The following DPF3 variants were observed in gnomAD, a reference collection of about 807,000 sequenced individuals.
DPF3 encodes double PHD fingers 3.
In DPF3, 18 loss-of-function variants were observed where a neutral mutation model predicts 56.8. That is an observed-to-expected ratio of 0.32 (90% CI 0.22 to 0.47). The LOEUF (loss-of-function observed/expected upper bound fraction) is 0.47, where lower values mean the gene tolerates loss of function less well. Among genes scored for constraint, DPF3 ranks in the 20% least tolerant of loss-of-function variants. DPF3 has a pLI of 1.00. For missense variants in DPF3, 403 were observed against 488.8 expected (o/e 0.82, Z 1.65); for synonymous variants, 188 against 180.2 (o/e 1.04, Z -0.35).
intron 8 of DPF3, among the ~76,000 whole-genome samples, chr14:72,643,118 T>C (rs1465256600): frequency 6.6e-6 from 1 of 152,210 alleles, no homozygotes; most frequent in East Asian, 1.9e-4. Context: ...TCTAATCCTT[T>C]GGTCTCTCAC....
intron 3 of DPF3, among the ~76,000 whole-genome samples, chr14:72,733,686 G>A (rs1222205735): frequency 6.6e-6 from 1 of 152,142 alleles, no homozygotes; most frequent in Non-Finnish European, 1.5e-5. Flanking sequence ...TCCGAGCAGG[G>A]TGAAGACGGA....
intron 1 of DPF3, among the ~76,000 whole-genome samples, chr14:72,883,107 T>C (rs1300873108): frequency 6.6e-6 from 1 of 152,190 alleles, no homozygotes; most frequent in Non-Finnish European, 1.5e-5. Context: ...CGAGAGTTGC[T>C]GGTTGAGGAC....
intron 8 of DPF3, among the ~76,000 whole-genome samples, chr14:72,640,488 C>G (rs1227797419): frequency 6.6e-6 from 1 of 152,116 alleles, no homozygotes; most frequent in Non-Finnish European, 1.5e-5. Flanking sequence ...AGACAAAATC[C>G]TACCCTTCTG....
chr14:72,872,352 T>C (rs917764405), intron 1 of DPF3, among the ~76,000 whole-genome samples: 1 of 152,250 alleles, frequency 6.6e-6, no homozygotes, highest in Non-Finnish European at 1.5e-5. Context: ...TTGCTACTTA[T>C]GCAAATTTCT....
intron 1 of DPF3, among the ~76,000 whole-genome samples, chr14:72,888,779 C>A (rs1387708108): frequency 6.6e-6 from 1 of 152,220 alleles, no homozygotes; most frequent in Non-Finnish European, 1.5e-5. Flanking sequence ...AGGTTTGCAA[C>A]ATTTGGCTAC....
At chr14:72,652,575 C>T (rs550661169) in intron 8 of DPF3, among the ~76,000 whole-genome samples, 41 of 152,286 alleles carry the variant, frequency 2.7e-4, no homozygotes, top group African/African-American at 9.1e-4. Flanking sequence ...TTAGAGCCAA[C>T]CTTCTCAACC....
Position 72,861,779 on chromosome 14 carries a change from GA to G in DPF3, c.32+32277del, listed in dbSNP as rs1244715777. On this transcript the variant is annotated intron_variant, in intron 1 of 10. Coordinates refer to ENST00000556509, the MANE Select transcript of DPF3 (RefSeq NM_001280542.3). The stretch of plus-strand genomic sequence containing the variant: ...AGAAAGAAAGAAAGAAAGAAAGAAA[GA>G]AAGAAAGAAAGAAAGAAAGAAAGAA... 1.9e-4 allele frequency among the ~76,000 whole-genome samples: 28 copies of G among 149,066 alleles called. No homozygotes were observed. The East Asian group carries it at 3.3e-3, about 18-fold the overall frequency.
At chr14:72,747,504 T>C (rs903309416) in intron 3 of DPF3, among the ~76,000 whole-genome samples, 3 of 151,850 alleles carry the variant, frequency 2.0e-5, no homozygotes, top group African/African-American at 7.3e-5. Context: ...ACAGAGAGAC[T>C]GGCTGGGTGT....
In DPF3 at chr14:72,727,437, G is replaced by A. The variant is rs146608899; in HGVS notation, c.430-3709C>T. Among the ~76,000 whole-genome samples the A allele has an allele frequency of 2.4e-4, 36 of 152,244 alleles. No individual in the cohort carries two copies. In the East Asian group the frequency reaches 6.4e-3, roughly 27 times the overall value. On this transcript the variant is annotated intron_variant, in intron 4 of 10. Coordinates refer to ENST00000556509, the MANE Select transcript of DPF3 (RefSeq NM_001280542.3). Reference sequence around the variant, plus strand: ...CTAAAAACACAAAAAATAGTTGGGCGTGGTGGTGGGCACCTGTAATCCCAG... The same window carrying A: ...CTAAAAACACAAAAAATAGTTGGGCATGGTGGTGGGCACCTGTAATCCCAG...
intron 7 of DPF3, among the ~76,000 whole-genome samples, chr14:72,688,292 T>G (rs1374605820): frequency 2.6e-4 from 3 of 11,398 alleles, no homozygotes; most frequent in African/African-American, 4.0e-4. Flanking sequence ...GGTGGGTGGA[T>G]GGATGGGTGG....
rs1886252553 is a variant in DPF3 at position 72,879,689 on chromosome 14, C to T, written c.32+14368G>A. On this transcript the variant is annotated intron_variant, in intron 1 of 10. Transcript: ENST00000556509. The stretch of plus-strand genomic sequence containing the variant: ...ACCGCCTGCCCAGAGGAGCCACAAG[C>T]AGTTTGCTCAGACACCAGGGGAATG... 1.7e-5 allele frequency: 22 copies of T among 1,303,896 alleles called. No homozygotes were observed. The South Asian group carries it at 2.6e-4, about 15-fold the overall frequency. 80.8% of individuals were successfully genotyped at this position (1,303,896 alleles called of 1,614,324 possible).
rs1052490964 is a variant in DPF3 at position 72,749,023 on chromosome 14, T to C, written c.301+4241A>G. Reference sequence around the variant, plus strand: ...CCTGGGGCACCACCTAGCGGAGCTGTGAGAAGAGGGCCACCATCTTCCAGA... The same window carrying C: ...CCTGGGGCACCACCTAGCGGAGCTGCGAGAAGAGGGCCACCATCTTCCAGA... On this transcript the variant is annotated intron_variant, in intron 3 of 10. Transcript: ENST00000556509. Among the ~76,000 whole-genome samples, 7 of 152,322 alleles carry C rather than the reference T, an allele frequency of 4.6e-5. No homozygotes were observed. In the South Asian group the frequency reaches 1.4e-3, roughly 32 times the overall value.
At chr14:72,821,520 T>C (rs1018351797) in intron 1 of DPF3, among the ~76,000 whole-genome samples, 5 of 152,206 alleles carry the variant, frequency 3.3e-5, no homozygotes, top group Non-Finnish European at 7.3e-5. Context: ...GGCATCAATA[T>C]GATGAACTAT....
intron 1 of DPF3, among the ~76,000 whole-genome samples, chr14:72,776,018 A>C (rs549273664): frequency 6.6e-5 from 10 of 151,248 alleles, no homozygotes; most frequent in Admixed American, 4.0e-4. Flanking sequence ...CAATGATGGG[A>C]TCCCAGGAGT....
chr14:72,753,087 G>A (rs982303177), intron 3 of DPF3, among the ~76,000 whole-genome samples, 177 bp downstream of exon 3: 6 of 152,142 alleles, frequency 3.9e-5, no homozygotes, highest in African/African-American at 1.4e-4. Flanking sequence ...GTGGACACGT[G>A]GTCATGTTTC....
intron 8 of DPF3, among the ~76,000 whole-genome samples, chr14:72,660,089 T>C (rs1886161030): frequency 6.6e-6 from 1 of 152,114 alleles, no homozygotes; most frequent in Non-Finnish European, 1.5e-5. Flanking sequence ...AGAGTTTCAG[T>C]TGGAGAAGAT....
chr14:72,672,550 T>G (rs577135000), intron 8 of DPF3, among the ~76,000 whole-genome samples: 3 of 152,294 alleles, frequency 2.0e-5, no homozygotes, highest in African/African-American at 7.2e-5. Flanking sequence ...AACCAATCCT[T>G]GGCAAATGCA....
chr14:72,805,502 C>G (rs1030873580), intron 1 of DPF3, among the ~76,000 whole-genome samples: 4 of 151,348 alleles, frequency 2.6e-5, no homozygotes, highest in Non-Finnish European at 4.4e-5. Context: ...GAAGCCCAAA[C>G]CCCCAGGGCA....
Position 72,771,816 on chromosome 14 carries a change from A to C in DPF3, c.110T>G (p.Val37Gly), listed in dbSNP as rs1891544555. ...CTGTGAGTCCAGGAAGGGAAGACGC[A>C]CGCTGCGCTCTGCACACAGCCGTGA... ...YNSRLCAERS[V>G]RLPFLDSQTG... is the part of the protein sequence containing the mutation. Residue 37 changes from valine (V) to glycine (G), a missense_variant, in exon 2 of 11, where the codon GTG becomes GGG. Coordinates refer to ENST00000556509, the MANE Select transcript of DPF3 (RefSeq NM_001280542.3). 16 of 1,613,856 alleles carry C rather than the reference A, an allele frequency of 9.9e-6. No homozygotes were observed. The highest frequency in any genetic ancestry group is 1.4e-5 in the Non-Finnish European group (16 of 1,179,834).
Sources: allele counts gnomAD v4.1 joint callset (sites outside exome capture counted in the v4.1 genomes callset), GRCh38; gene constraint gnomAD v4.1.1; transcripts MANE v1.5; gene names NCBI Gene and HGNC (gene_info 2026-07-23, HGNC 2026-07-21).